The following CELF2 variants were observed in gnomAD, a reference collection of about 807,000 sequenced individuals.
The protein encoded by CELF2 is CUGBP Elav-like family member 2, also known as CUG triplet repeat RNA-binding protein 2.
CELF2 carries 8 observed loss-of-function variants against 62.6 expected under a neutral mutation model. The observed-to-expected ratio is 0.13, with a 90% confidence interval of 0.07 to 0.23. The LOEUF is 0.23. CELF2 is among the 10% of genes least tolerant of loss of function. The probability of loss-of-function intolerance (pLI) is 1.00; values close to 1 mark genes in which losing one functional copy is unlikely to be tolerated. For synonymous variants in CELF2, 258 were observed against 250.0 expected, an observed-to-expected ratio of 1.03 and a Z score of -0.30; for missense variants, 333 against 671.0, an observed-to-expected ratio of 0.50 and a Z score of 5.56.
chr10:10,860,733 T>C (rs2060003325), intron 1 of CELF2, among the ~76,000 whole-genome samples: 1 of 152,068 alleles, frequency 6.6e-6, no homozygotes, highest in Admixed American at 6.6e-5. Flanking sequence ...TATTTATAGA[T>C]AGGAAAAGGA....
At chr10:10,772,233 G>A in the CELF2 span, among the ~76,000 whole-genome samples, 1 of 152,142 alleles carries the variant, frequency 6.6e-6, no homozygotes, top group African/African-American at 2.4e-5. Context: ...GGAAAGTAGA[G>A]TCACATGGGA....
intron 1 of CELF2, among the ~76,000 whole-genome samples, chr10:10,858,621 A>T (rs2059885746): frequency 6.6e-6 from 1 of 152,224 alleles, no homozygotes; most frequent in East Asian, 1.9e-4. Context: ...CTACTCCATT[A>T]GAATTAAAAA....
chr10:10,918,998 CGG>C (rs1194477227), intron 1 of CELF2, among the ~76,000 whole-genome samples: 1 of 152,088 alleles, frequency 6.6e-6, no homozygotes, highest in Non-Finnish European at 1.5e-5. Flanking sequence ...GGGCCAGGTG[CGG>C]TGGCTCACAC....
chr10:10,753,567 C>A, the CELF2 span, among the ~76,000 whole-genome samples: 1 of 152,110 alleles, frequency 6.6e-6, no homozygotes, highest in Non-Finnish European at 1.5e-5. Context: ...ATCCAAGGAC[C>A]GGGAAACACA....
intron 4 of CELF2, among the ~76,000 whole-genome samples, chr10:11,253,936 G>C (rs1258758857): frequency 6.6e-6 from 1 of 151,938 alleles, no homozygotes; most frequent in Non-Finnish European, 1.5e-5. Flanking sequence ...TTTTGGTTTT[G>C]GTTTTTTAAT....
chr10:11,133,607 C>T (rs1454810224), intron 1 of CELF2, among the ~76,000 whole-genome samples: 3 of 152,166 alleles, frequency 2.0e-5, no homozygotes, highest in Admixed American at 1.3e-4. Context: ...GGAAATAATA[C>T]ACATTAAGCC....
At chr10:10,530,040 C>T in the CELF2 span, among the ~76,000 whole-genome samples, 5 of 152,320 alleles carry the variant, frequency 3.3e-5, no homozygotes, top group East Asian at 9.6e-4. Context: ...CACCATTCCC[C>T]TTCACACACA....
intron 2 of CELF2, among the ~76,000 whole-genome samples, chr10:11,190,577 A>G (rs1450156155): frequency 6.6e-6 from 1 of 151,974 alleles, no homozygotes; most frequent in East Asian, 1.9e-4. Flanking sequence ...TCACAGCAGT[A>G]ACTCCCAGTA....
chr10:11,174,980 C>G (rs1246151642), intron 2 of CELF2, among the ~76,000 whole-genome samples: 1 of 151,988 alleles, frequency 6.6e-6, no homozygotes, highest in Non-Finnish European at 1.5e-5. Flanking sequence ...TAGGGGATGC[C>G]TTAGTAATCT....
intron 1 of CELF2, among the ~76,000 whole-genome samples, chr10:10,835,349 C>T (rs936683738): frequency 1.3e-5 from 2 of 151,228 alleles, no homozygotes; most frequent in African/African-American, 2.4e-5. Context: ...CCTCAGTCTT[C>T]CCAGTAGCTG....
chr10:10,922,400 C>T (rs370662022), intron 2 of CELF2, among the ~76,000 whole-genome samples: 5 of 152,100 alleles, frequency 3.3e-5, no homozygotes, highest in East Asian at 1.9e-4. Flanking sequence ...AATAATGGAA[C>T]GAGGAATGAC....
the CELF2 span, among the ~76,000 whole-genome samples, chr10:10,528,874 G>A: frequency 6.8e-4 from 104 of 152,248 alleles, 2 homozygotes; most frequent in South Asian, 0.019. Context: ...TTATTTTGAC[G>A]CGATTATTTA....
At chr10:10,477,179 G>A in the CELF2 span, among the ~76,000 whole-genome samples, 1 of 152,196 alleles carries the variant, frequency 6.6e-6, no homozygotes, top group Non-Finnish European at 1.5e-5. Flanking sequence ...GCTGAGAAAT[G>A]TGACCAGTCC....
chr10:10,797,007 A>T (rs2054177303), upstream of CELF2: 1 of 433,932 alleles, frequency 2.3e-6, no homozygotes, highest in Non-Finnish European at 3.1e-6. Flanking sequence ...AGAGAAAACA[A>T]ATCTAAACAG....
chr10:10,783,772 A>C, the CELF2 span, among the ~76,000 whole-genome samples: 1 of 152,158 alleles, frequency 6.6e-6, no homozygotes, highest in Non-Finnish European at 1.5e-5. Flanking sequence ...AGATCACGGC[A>C]TCAAGAGATT....
In CELF2 at chr10:11,075,902, CTCAGAA is replaced by C. The variant is rs1309396530; in HGVS notation, c.74+57741_74+57746del. 1.3e-5 allele frequency among the ~76,000 whole-genome samples: 2 copies of C among 152,092 alleles called. No homozygotes were observed. Among genetic ancestry groups the C allele is most frequent in the African/African-American group, 4.8e-5 (2 of 41,410 alleles). On this transcript the variant is annotated intron_variant, in intron 1 of 12. Coordinates refer to ENST00000633077, the MANE Select transcript of CELF2 (RefSeq NM_001326342.2). This position sits in a 1 kb window ranked among gnomAD's most constrained non-coding sequence, Gnocchi z 5.4. ...TTTAATAAACTGCCAACATCAGTAT[CTCAGAA>C]TGAGTGAAACAAAAAGCTTTCCTTT...
chr10:10,614,669 G>T, the CELF2 span, among the ~76,000 whole-genome samples: 1 of 152,138 alleles, frequency 6.6e-6, no homozygotes, highest in East Asian at 1.9e-4. Context: ...CAGGGAGAGA[G>T]ATGGGCCCAG....
At chr10:10,740,864 A>G in the CELF2 span, among the ~76,000 whole-genome samples, 2 of 152,214 alleles carry the variant, frequency 1.3e-5, no homozygotes, top group African/African-American at 4.8e-5. Flanking sequence ...TTAGATATGC[A>G]GGATTTTTTT....
Position 11,005,589 on chromosome 10 carries a change from C to T in CELF2, c.53+149C>T, listed in dbSNP as rs1331132896. On this transcript the variant is annotated intron_variant, in intron 1 of 12. Coordinates refer to the CELF2 transcript ENST00000416382. This position sits in a 1 kb window ranked among gnomAD's most constrained non-coding sequence, Gnocchi z 4.3. ...CTAAAGAGGAAGAGGGAGATGAAAT[C>T]GAGACCCAGAGATTGGGAGAAAGAG... The T allele has an allele frequency of 4.8e-6, 6 of 1,245,880 alleles. No individual in the cohort carries two copies. The highest frequency in any genetic ancestry group is 1.3e-5 in the South Asian group (1 of 75,196). The allele number at this position is 1,245,880 out of a possible 1,614,324, so 77.2% of individuals were successfully genotyped here.
Sources: allele counts gnomAD v4.1 joint callset (sites outside exome capture counted in the v4.1 genomes callset), GRCh38; gene constraint gnomAD v4.1.1; non-coding constraint Gnocchi (gnomAD v3.1); transcripts MANE v1.5; gene names NCBI Gene and HGNC (gene_info 2026-07-23, HGNC 2026-07-21).